The following DPY19L4 variants were observed in gnomAD, a reference collection of about 807,000 sequenced individuals.
DPY19L4 encodes probable C-mannosyltransferase DPY19L4.
Under a neutral mutation model 102.8 loss-of-function variants are expected in DPY19L4, and 97 were observed. The ratio of observed to expected loss-of-function variants is 0.94; its 90% CI spans 0.80 to 1.12. The LOEUF (loss-of-function observed/expected upper bound fraction) is 1.12. DPY19L4 is among the 50% of genes most tolerant of loss of function. The probability of loss-of-function intolerance (pLI) is 0.00; values close to 1 mark genes in which losing one functional copy is unlikely to be tolerated. For synonymous variants in DPY19L4, 252 were observed against 283.1 expected, an observed-to-expected ratio of 0.89 and a Z score of 1.10; for missense variants, 815 against 850.4, an observed-to-expected ratio of 0.96 and a Z score of 0.52.
chr8:94,781,182 C>T lies in DPY19L4; in HGVS notation c.1715+16C>T, dbSNP rs781581152. On this transcript the variant is annotated intron_variant, in intron 16 of 18. Transcript: ENST00000414645. ...CCTGGATAAAGTAAGGATTGAAGTGCCCAAGACTATTATTAAGCTATTAAT... is the reference window on the plus strand; with the variant it reads ...CCTGGATAAAGTAAGGATTGAAGTGTCCAAGACTATTATTAAGCTATTAAT... The T allele has an allele frequency of 1.9e-6, 3 of 1,547,390 alleles. No individual in the cohort carries two copies. The highest frequency in any genetic ancestry group is 2.3e-5 in the East Asian group (1 of 43,474).
At chr8:94,763,000 G>C (rs1196067227) in intron 8 of DPY19L4, among the ~76,000 whole-genome samples, 1 of 151,496 alleles carries the variant, frequency 6.6e-6, no homozygotes, top group African/African-American at 2.4e-5. Flanking sequence ...CCAGGCTGGA[G>C]TGCGGTGGCT....
intron 2 of DPY19L4, among the ~76,000 whole-genome samples, chr8:94,727,095 CAG>C (rs1810722959): frequency 6.6e-6 from 1 of 152,150 alleles, no homozygotes; most frequent in Non-Finnish European, 1.5e-5. Flanking sequence ...CATTCTAATC[CAG>C]AGATCTATGA....
At chr8:94,725,457 C>T (rs1419677643) in intron 1 of DPY19L4, among the ~76,000 whole-genome samples, 2 of 152,182 alleles carry the variant, frequency 1.3e-5, no homozygotes, top group Admixed American at 1.3e-4. Flanking sequence ...GGAAGATAGT[C>T]TAATCCTGGG....
intron 8 of DPY19L4, among the ~76,000 whole-genome samples, chr8:94,764,523 C>T (rs1812543432): frequency 6.8e-6 from 1 of 147,718 alleles, no homozygotes; most frequent in Non-Finnish European, 1.5e-5. Flanking sequence ...TTGCAGTCAG[C>T]CGAGATCGCG....
intron 4 of DPY19L4, 51 bp downstream of exon 4, chr8:94,738,510 T>C (rs777396184): frequency 3.2e-6 from 4 of 1,238,102 alleles, no homozygotes; most frequent in Non-Finnish European, 4.4e-6. Context: ...CTTTTTCTTT[T>C]CTTTTCTTTT....
intron 6 of DPY19L4, among the ~76,000 whole-genome samples, chr8:94,743,021 AT>A (rs1269921475): frequency 1.3e-5 from 2 of 151,036 alleles, no homozygotes; most frequent in Non-Finnish European, 3.0e-5. Context: ...CTTTTATTTT[AT>A]TTTATTTATT....
chr8:94,739,531 C>G lies in DPY19L4; in HGVS notation c.462C>G (p.Ser154Arg). 6.2e-7 allele frequency: 1 copy of G among 1,601,208 alleles called. No homozygotes were observed. Among genetic ancestry groups the G allele is most frequent in the Non-Finnish European group, 8.5e-7 (1 of 1,176,534 alleles). The change falls in exon 5 of 19, where the codon AGC becomes AGG. Residue 154 changes from serine (S) to arginine (R), a missense_variant. Physicochemically the swap from Ser to Arg is moderately radical, Grantham distance 110. Transcript: ENST00000414645. ...GCATTTTATATCAAGCCACTGGTAGCAATGTATGTATTTTTCGTTGGACCC... is the reference window on the plus strand; with the variant it reads ...GCATTTTATATCAAGCCACTGGTAGGAATGTATGTATTTTTCGTTGGACCC... Reference protein sequence around the residue: ...IASILYQATGSNEIIEPVYFY... With the variant: ...IASILYQATGRNEIIEPVYFY...
intron 12 of DPY19L4, among the ~76,000 whole-genome samples, chr8:94,768,760 G>A (rs1191702616): frequency 2.0e-5 from 3 of 152,008 alleles, no homozygotes; most frequent in Non-Finnish European, 4.4e-5. Context: ...TTGGGAGGCC[G>A]AAGCGGGCAG....
intron 6 of DPY19L4, among the ~76,000 whole-genome samples, chr8:94,745,780 G>A (rs910069960): frequency 2.2e-4 from 33 of 151,990 alleles, no homozygotes; most frequent in African/African-American, 8.0e-4. Context: ...TTGAGACGGA[G>A]TTTCACTCAT....
At position 94,766,742 on chromosome 8, in the gene DPY19L4, A is replaced by T. The variant is rs897349696; in HGVS notation, c.1175+57A>T. 3 of 1,498,534 alleles carry T rather than the reference A, an allele frequency of 2.0e-6. No individual in the cohort carries two copies. The African/African-American group carries it at 4.2e-5, about 21-fold the overall frequency. The allele number at this position is 1,498,534 out of a possible 1,614,324, so 92.8% of individuals were successfully genotyped here. On this transcript the variant is annotated intron_variant, in intron 11 of 18. Transcript: ENST00000414645. ...TCGATACCACTTAGAAAATAAAGAT[A>T]AAAAATACTCGATGGCCGGGCATAG...
intron 7 of DPY19L4, among the ~76,000 whole-genome samples, chr8:94,757,404 AG>A (rs1812207416): frequency 6.6e-6 from 1 of 152,090 alleles, no homozygotes; most frequent in Non-Finnish European, 1.5e-5. Context: ...TTTCTGCACA[AG>A]AGTATATTTT....
chr8:94,743,423 A>C (rs1370933421), intron 6 of DPY19L4, among the ~76,000 whole-genome samples: 1 of 151,872 alleles, frequency 6.6e-6, no homozygotes, highest in East Asian at 1.9e-4. Flanking sequence ...GGATCACTTG[A>C]GACCTGGAGT....
intron 7 of DPY19L4, among the ~76,000 whole-genome samples, chr8:94,758,234 G>C (rs1054582179): frequency 6.6e-6 from 1 of 152,078 alleles, no homozygotes; most frequent in Non-Finnish European, 1.5e-5. Context: ...GCGTGATCTA[G>C]GCTTACTACA....
chr8:94,781,022 A>T, intron 15 of DPY19L4, 62 bp from the exon 16 acceptor site: 1 of 1,402,960 alleles, frequency 7.1e-7, no homozygotes, highest in Non-Finnish European at 9.7e-7. Flanking sequence ...GAACAGTTTT[A>T]AACTTTCTAA....
chr8:94,775,210 G>A (rs901005727), intron 13 of DPY19L4, among the ~76,000 whole-genome samples: 1 of 149,878 alleles, frequency 6.7e-6, no homozygotes, highest in Non-Finnish European at 1.5e-5. Flanking sequence ...ACAGGGTCCT[G>A]TTCTCTTGCC....
At chr8:94,770,838 C>G (rs186330241) in intron 13 of DPY19L4, among the ~76,000 whole-genome samples, 1 of 151,382 alleles carries the variant, frequency 6.6e-6, no homozygotes, top group Non-Finnish European at 1.5e-5. Flanking sequence ...TGCAATGAGC[C>G]GAGATTGCGC....
intron 1 of DPY19L4, among the ~76,000 whole-genome samples, chr8:94,724,628 C>T (rs2130781692): frequency 6.6e-6 from 1 of 151,954 alleles, no homozygotes; most frequent in Middle Eastern, 3.4e-3. Context: ...CTCCCTCTGT[C>T]ACCAGGCTAG....
intron 6 of DPY19L4, among the ~76,000 whole-genome samples, chr8:94,743,042 T>A (rs914843558): frequency 6.6e-6 from 1 of 151,640 alleles, no homozygotes; most frequent in African/African-American, 2.4e-5. Context: ...TTATTTATTT[T>A]TTGAGATGTA....
chr8:94,754,139 G>C (rs114715395), intron 6 of DPY19L4, among the ~76,000 whole-genome samples: 1 of 152,170 alleles, frequency 6.6e-6, no homozygotes, highest in Non-Finnish European at 1.5e-5. Flanking sequence ...AGCCGTGATC[G>C]TGTCACTGTA....
Sources: allele counts gnomAD v4.1 joint callset (sites outside exome capture counted in the v4.1 genomes callset), GRCh38; gene constraint gnomAD v4.1.1; transcripts MANE v1.5; gene names NCBI Gene and HGNC (gene_info 2026-07-23, HGNC 2026-07-21).